SNTG1: variants seen among roughly 807,000 people sequenced by gnomAD.
SNTG1 encodes the protein syntrophin gamma 1.
SNTG1 carries 39 observed loss-of-function variants against 74.7 expected under a neutral mutation model. The ratio of observed to expected loss-of-function variants is 0.52; its 90% CI spans 0.40 to 0.68. The LOEUF (loss-of-function observed/expected upper bound fraction) is 0.68, where lower values mean the gene tolerates loss of function less well. Among genes scored for constraint, SNTG1 ranks in the 30% least tolerant of loss-of-function variants. SNTG1 has a pLI of 0.00. For missense variants in SNTG1, 685 were observed against 609.5 expected (o/e 1.12, Z -1.30); for synonymous variants, 254 against 217.1 (o/e 1.17, Z -1.49).
intron 2 of SNTG1, among the ~76,000 whole-genome samples, chr8:50,376,969 G>A (rs2131195970): frequency 6.6e-6 from 1 of 152,140 alleles, no homozygotes; most frequent in East Asian, 1.9e-4. Flanking sequence ...AGGAAGCAGT[G>A]AAGGATTCAA....
intron 8 of SNTG1, among the ~76,000 whole-genome samples, chr8:50,453,333 A>G (rs1349484636): frequency 1.3e-5 from 2 of 152,172 alleles, no homozygotes; most frequent in Non-Finnish European, 1.5e-5. Context: ...TCTACTGTAT[A>G]TATTTCTCAT....
intron 1 of SNTG1, among the ~76,000 whole-genome samples, chr8:50,092,186 A>C (rs1172957337): frequency 6.6e-5 from 10 of 152,132 alleles, no homozygotes; most frequent in Non-Finnish European, 1.5e-4. Context: ...CCGTTCCTGG[A>C]AGGAGGACAT....
intron 18 of SNTG1, chr8:50,762,700 G>T: frequency 2.1e-6 from 1 of 482,476 alleles, no homozygotes. Flanking sequence ...AGAGACCATG[G>T]AGATTAGGCC....
At chr8:50,381,586 G>C (rs1425055540) in intron 2 of SNTG1, among the ~76,000 whole-genome samples, 1 of 137,740 alleles carries the variant, frequency 7.3e-6, no homozygotes. Flanking sequence ...GTGTGTGTGT[G>C]TGTGTGTATA....
intron 4 of SNTG1, among the ~76,000 whole-genome samples, chr8:50,405,896 G>A (rs2092868759): frequency 6.6e-6 from 1 of 151,962 alleles, no homozygotes; most frequent in African/African-American, 2.4e-5. Flanking sequence ...ATATATAAGG[G>A]GGTATTTGTG....
chr8:50,697,089 G>T, intron 15 of SNTG1, among the ~76,000 whole-genome samples: 1 of 151,786 alleles, frequency 6.6e-6, no homozygotes, highest in Admixed American at 6.6e-5. Flanking sequence ...GAGCTGTTTT[G>T]TCATATGTTT....
At chr8:50,115,576 A>AAAAACAAAAAAAAAAAAAAAC (rs2080785978) in intron 1 of SNTG1, among the ~76,000 whole-genome samples, 6 of 82,800 alleles carry the variant, frequency 7.2e-5, no homozygotes, top group South Asian at 5.1e-4. Context: ...TCAAAAAAAA[A>AAAAACAAAAAAAAAAAAAAAC]AAAAAAAAAA....
At chr8:49,930,343 T>C (rs1807455850) in intron 1 of SNTG1, among the ~76,000 whole-genome samples, 1 of 152,022 alleles carries the variant, frequency 6.6e-6, no homozygotes, top group Non-Finnish European at 1.5e-5. Flanking sequence ...AATAAAGCAA[T>C]TAGCACTATT....
At chr8:50,178,551 G>A (rs1056393253) in intron 2 of SNTG1, among the ~76,000 whole-genome samples, 5 of 152,084 alleles carry the variant, frequency 3.3e-5, no homozygotes, top group Admixed American at 6.6e-5. Context: ...GATACAATAT[G>A]AAGCCTCTTC....
chr8:50,425,537 T>G (rs1052574987), intron 4 of SNTG1, among the ~76,000 whole-genome samples: 4 of 152,016 alleles, frequency 2.6e-5, no homozygotes, highest in African/African-American at 9.7e-5. Context: ...GTTGTATAAT[T>G]ATCTCATTAT....
At chr8:50,529,248 A>C (rs2094246740) in intron 9 of SNTG1, among the ~76,000 whole-genome samples, 3 of 151,998 alleles carry the variant, frequency 2.0e-5, no homozygotes, top group Admixed American at 6.6e-5. Flanking sequence ...ATATTCTTAC[A>C]GTTTAAAGAT....
chr8:50,598,309 T>G (rs1291685834), intron 13 of SNTG1, among the ~76,000 whole-genome samples: 1 of 151,946 alleles, frequency 6.6e-6, no homozygotes, highest in Non-Finnish European at 1.5e-5. Flanking sequence ...TTTCTGAGTA[T>G]AGACATGCAG....
chr8:49,947,125 C>A (rs146952059), intron 1 of SNTG1, among the ~76,000 whole-genome samples: 284 of 152,168 alleles, frequency 1.9e-3, no homozygotes, highest in African/African-American at 6.6e-3. Context: ...CATGGTGAAA[C>A]CCTGTCTCTA....
At chr8:50,189,668 C>T (rs1167050517) in intron 2 of SNTG1, among the ~76,000 whole-genome samples, 1 of 152,168 alleles carries the variant, frequency 6.6e-6, no homozygotes, top group Non-Finnish European at 1.5e-5. Flanking sequence ...TGTAAGACCA[C>T]ACAGACCTCT....
intron 2 of SNTG1, among the ~76,000 whole-genome samples, chr8:50,369,621 A>G (rs1184640103): frequency 2.0e-5 from 3 of 152,034 alleles, no homozygotes; most frequent in Admixed American, 1.3e-4. Context: ...AAAAGAAAAG[A>G]AACAGAAACC....
chr8:49,989,008 C>T (rs951893216), intron 1 of SNTG1, among the ~76,000 whole-genome samples: 1 of 151,824 alleles, frequency 6.6e-6, no homozygotes, highest in Non-Finnish European at 1.5e-5. Context: ...GTGATGCATA[C>T]AATTACCCTA....
intron 15 of SNTG1, among the ~76,000 whole-genome samples, chr8:50,683,801 T>C (rs1245232129): frequency 6.6e-6 from 1 of 152,146 alleles, no homozygotes; most frequent in Non-Finnish European, 1.5e-5. Flanking sequence ...GTAGCACCTG[T>C]GAGGAAGGTC....
chr8:50,594,196 C>T (rs992215772), intron 13 of SNTG1, among the ~76,000 whole-genome samples: 7 of 152,132 alleles, frequency 4.6e-5, no homozygotes, highest in Admixed American at 2.0e-4. Context: ...GGCATATAGG[C>T]CCAGACAACC....
intron 1 of SNTG1, among the ~76,000 whole-genome samples, chr8:50,081,798 T>G (rs879885843): frequency 6.6e-6 from 1 of 152,054 alleles, no homozygotes; most frequent in Non-Finnish European, 1.5e-5. Context: ...CACATCCGAC[T>G]AATTTTGTAT....
Sources: gnomAD v4.1 joint callset for allele counts (sites outside exome capture counted in the v4.1 genomes callset) on GRCh38, gnomAD v4.1.1 for gene constraint, MANE v1.5 for transcripts, NCBI Gene and HGNC (gene_info 2026-07-23, HGNC 2026-07-21) for gene names.